PCMTD1: variants seen among roughly 807,000 people sequenced by gnomAD.
PCMTD1 encodes the protein protein-L-isoaspartate O-methyltransferase domain-containing protein 1.
In PCMTD1, 12 loss-of-function variants were observed where a neutral mutation model predicts 37.6. That is an observed-to-expected ratio of 0.32 (90% CI 0.20 to 0.52). PCMTD1 has a LOEUF of 0.52. PCMTD1 is among the 20% of genes least tolerant of loss of function. The pLI is 0.97. For synonymous variants in PCMTD1, 117 were observed against 135.8 expected (o/e 0.86, Z 0.96); for missense variants, 235 against 421.3 (o/e 0.56, Z 3.87).
At chr8:51,851,392 C>A (rs1456891576) in intron 2 of PCMTD1, among the ~76,000 whole-genome samples, 1 of 152,104 alleles carries the variant, frequency 6.6e-6, no homozygotes, top group Non-Finnish European at 1.5e-5. Context: ...GGAACCAAGG[C>A]CCTAAGTAAA....
intron 1 of PCMTD1, among the ~76,000 whole-genome samples, chr8:51,869,024 A>C (rs550731309): frequency 1.3e-5 from 2 of 152,246 alleles, no homozygotes; most frequent in South Asian, 4.1e-4. Flanking sequence ...CAAATCCAGA[A>C]GTATGATATT....
rs1383271572 is a variant in PCMTD1, at chr8:51,838,177, A to G, written c.411-4488T>C. ...AAAATTTCAGTTAATATTTTTTCCA[A>G]AAGTCTATGATTACAATTTTTCAGG... On this transcript the variant is annotated intron_variant, in intron 3 of 5. Transcript: ENST00000522514. Among the ~76,000 whole-genome samples the G allele has an allele frequency of 3.9e-5, 6 of 152,294 alleles. No homozygotes were observed. The East Asian group carries it at 7.7e-4, about 20-fold the overall frequency.
chr8:51,871,480 CA>C (rs1363345477), intron 1 of PCMTD1, among the ~76,000 whole-genome samples: 1 of 152,124 alleles, frequency 6.6e-6, no homozygotes, highest in Non-Finnish European at 1.5e-5. Context: ...AGTCAGATAC[CA>C]AAACTCTTTG....
intron 1 of PCMTD1, among the ~76,000 whole-genome samples, chr8:51,892,904 A>AG (rs1201002743): frequency 3.9e-5 from 6 of 152,196 alleles, no homozygotes; most frequent in Non-Finnish European, 8.8e-5. Flanking sequence ...TTCCCATCCC[A>AG]GGGGGGAAAA....
intron 3 of PCMTD1, among the ~76,000 whole-genome samples, chr8:51,838,846 A>G (rs922473249): frequency 5.9e-5 from 9 of 152,164 alleles, no homozygotes; most frequent in African/African-American, 2.2e-4. Flanking sequence ...ATAAAATTAC[A>G]CACATAGGTT....
At chr8:51,841,164 T>A (rs1203756195) in intron 3 of PCMTD1, among the ~76,000 whole-genome samples, 1 of 152,156 alleles carries the variant, frequency 6.6e-6, no homozygotes, top group Admixed American at 6.5e-5. Flanking sequence ...AGTTTTCTCA[T>A]CTGGGAAATG....
At chr8:51,839,714 CA>C (rs1439193627) in intron 3 of PCMTD1, 1 of 648,366 alleles carries the variant, frequency 1.5e-6, no homozygotes, top group Admixed American at 6.3e-5. Context: ...CCTAGTTTAT[CA>C]CGTGCCACAG....
chr8:51,818,435 GGAGATGGGACA>G lies in PCMTD1; in HGVS notation c.*1905_*1915del, dbSNP rs1563330796. The stretch of plus-strand genomic sequence containing the variant: ...AAAAAAAAAAAAAAAAACAAGCAGG[GGAGATGGGACA>G]GATAACTTTCTCCAGGTTTTCCAGA... On this transcript the variant is annotated 3_prime_UTR_variant, in exon 6 of 6. Transcript: ENST00000522514. 1.3e-5 allele frequency: 2 copies of G among 148,412 alleles called. No homozygotes were observed. The highest frequency in any genetic ancestry group is 3.7e-3 in the Middle Eastern group (1 of 272). 9.2% of individuals were successfully genotyped at this position (148,412 alleles called of 1,614,324 possible). A position where few individuals can be genotyped will look rare whatever the true frequency, so the allele number is the denominator to read the frequency against.
At position 51,875,940 on chromosome 8, in the gene PCMTD1, T is replaced by TTGTG. The variant is rs71237255; in HGVS notation, c.-95-14698_-95-14695dup. On this transcript the variant is annotated intron_variant, in intron 1 of 5. Transcript: ENST00000522514. ...GAGCAAGACCATCTCAAAAATGTGTTTGTGTGTGTGTGTGTGTGTGTCTGT... is the reference window on the plus strand; with the variant it reads ...GAGCAAGACCATCTCAAAAATGTGTTTGTGTGTGTGTGTGTGTGTGTGTGTCTGT... Among the ~76,000 whole-genome samples the TTGTG allele has an allele frequency of 2.5e-3, 375 of 151,334 alleles. 2 individuals are homozygous for TTGTG. Among genetic ancestry groups the TTGTG allele is most frequent in the African/African-American group, 8.8e-3 (363 of 41,108 alleles).
At chr8:51,833,445 GAATAA>G in intron 4 of PCMTD1, 68 bp downstream of exon 4, 1 of 1,259,080 alleles carries the variant, frequency 7.9e-7, no homozygotes, top group Non-Finnish European at 1.1e-6. Flanking sequence ...ACCTTTCACT[GAATAA>G]AATTTCTTAA....
intron 2 of PCMTD1, among the ~76,000 whole-genome samples, chr8:51,852,445 A>T (rs1353928469): frequency 1.3e-5 from 2 of 152,226 alleles, no homozygotes; most frequent in Non-Finnish European, 2.9e-5. Flanking sequence ...AATGTTATTA[A>T]GTACATTCCA....
intron 1 of PCMTD1, among the ~76,000 whole-genome samples, chr8:51,894,607 GGTTT>G (rs1343035286): frequency 6.6e-6 from 1 of 152,108 alleles, no homozygotes; most frequent in Non-Finnish European, 1.5e-5. Context: ...CACCCAAGTG[GGTTT>G]GTTTTGTTTG....
In PCMTD1 at chr8:51,845,782, T is replaced by G; in HGVS notation, c.308-19A>C. ...AAAGGACCTGCAATCGTAGCAGCAT[T>G]TTTATAAAAAATATTAATAATATGC... is the stretch of plus-strand genomic sequence containing the variant. On this transcript the variant is annotated intron_variant, in intron 2 of 5. Coordinates refer to ENST00000522514, the MANE Select transcript of PCMTD1 (RefSeq NM_052937.4). 6.4e-7 allele frequency: 1 copy of G among 1,567,594 alleles called. No homozygotes were observed. Among genetic ancestry groups the G allele is most frequent in the Non-Finnish European group, 8.8e-7 (1 of 1,140,924 alleles).
intron 1 of PCMTD1, among the ~76,000 whole-genome samples, chr8:51,875,991 C>T (rs538977614): frequency 6.5e-4 from 99 of 152,192 alleles, no homozygotes; most frequent in African/African-American, 2.2e-3. Context: ...TGTGCGTGCA[C>T]GCATGCGTGT....
intron 3 of PCMTD1, 88 bp from the exon 4 acceptor site, chr8:51,833,777 C>A: frequency 2.2e-6 from 2 of 918,268 alleles, no homozygotes; most frequent in South Asian, 3.9e-5. Flanking sequence ...GAAATAATGA[C>A]GTTACCCAAA....
chr8:51,840,335 C>A (rs1375867174), intron 3 of PCMTD1, among the ~76,000 whole-genome samples: 1 of 152,104 alleles, frequency 6.6e-6, no homozygotes, highest in Non-Finnish European at 1.5e-5. Flanking sequence ...TTTCCCCATG[C>A]CATTTCTAAC....
At chr8:51,856,981 A>G (rs1479445537) in intron 2 of PCMTD1, among the ~76,000 whole-genome samples, 1 of 152,242 alleles carries the variant, frequency 6.6e-6, no homozygotes, top group Non-Finnish European at 1.5e-5. Flanking sequence ...TGTGAATCAT[A>G]CCTCATTAGA....
intron 4 of PCMTD1, 82 bp downstream of exon 4, chr8:51,833,436 C>A (rs2038024254): frequency 8.8e-7 from 1 of 1,135,762 alleles, no homozygotes; most frequent in Non-Finnish European, 1.3e-6. Flanking sequence ...TTACAATATA[C>A]CTTTCACTGA....
chr8:51,831,280 A>C (rs1015405009), intron 5 of PCMTD1, among the ~76,000 whole-genome samples, 164 bp downstream of exon 5: 2 of 144,294 alleles, frequency 1.4e-5, no homozygotes. Context: ...CCTGGGCAAC[A>C]GAACAAGACT....
Sources: gnomAD v4.1 joint callset for allele counts (sites outside exome capture counted in the v4.1 genomes callset) on GRCh38, gnomAD v4.1.1 for gene constraint, MANE v1.5 for transcripts, NCBI Gene and HGNC (gene_info 2026-07-23, HGNC 2026-07-21) for gene names.